OR2C1: variants seen among roughly 807,000 people sequenced by gnomAD.
OR2C1 encodes the protein olfactory receptor 2C1.
For missense variants in OR2C1, 468 were observed against 388.3 expected (o/e 1.21, Z -1.73); for synonymous variants, 209 against 167.3 (o/e 1.25, Z -1.92).
chr16:3,336,497 G>T, the OR2C1 span, among the ~76,000 whole-genome samples: 3 of 151,820 alleles, frequency 2.0e-5, no homozygotes, highest in Admixed American at 6.6e-5. Context: ...GAGTAGCTGG[G>T]ACTACAGGCA....
the OR2C1 span, among the ~76,000 whole-genome samples, chr16:3,333,211 A>AT: frequency 5.2e-4 from 34 of 65,826 alleles, no homozygotes; most frequent in Non-Finnish European, 6.0e-4. Flanking sequence ...TCTTTTGCCC[A>AT]TTTTTTTTTT....
chr16:3,332,701 GAAT>G, the OR2C1 span, among the ~76,000 whole-genome samples: 1 of 133,950 alleles, frequency 7.5e-6, no homozygotes, highest in African/African-American at 2.9e-5. Context: ...TTTTATGGCT[GAAT>G]AATAATATTC....
chr16:3,349,596 T>C, the OR2C1 span, among the ~76,000 whole-genome samples: 1 of 151,938 alleles, frequency 6.6e-6, no homozygotes, highest in Admixed American at 6.6e-5. Flanking sequence ...AAGGTACATT[T>C]CCATAAACAA....
the OR2C1 span, among the ~76,000 whole-genome samples, chr16:3,330,680 C>G: frequency 6.6e-6 from 1 of 152,168 alleles, no homozygotes; most frequent in African/African-American, 2.4e-5. Context: ...ATTAGTATAT[C>G]TGTCACATTA....
chr16:3,347,860 G>A, the OR2C1 span, among the ~76,000 whole-genome samples: 1 of 4,986 alleles, frequency 2.0e-4, no homozygotes, highest in Non-Finnish European at 4.3e-4. Flanking sequence ...ACGCACACAC[G>A]CGCACACACA....
chr16:3,323,440 C>G, the OR2C1 span: 2 of 746,490 alleles, frequency 2.7e-6, no homozygotes, highest in African/African-American at 1.7e-5. Context: ...GGATGGTGTT[C>G]TTATTGACCT....
chr16:3,339,413 A>C, the OR2C1 span, among the ~76,000 whole-genome samples: 2 of 151,018 alleles, frequency 1.3e-5, no homozygotes, highest in Non-Finnish European at 2.9e-5. Flanking sequence ...AATTCTGTTT[A>C]TTTTTTGAGA....
At chr16:3,349,837 G>A in the OR2C1 span, among the ~76,000 whole-genome samples, 1,107 of 151,782 alleles carry the variant, frequency 7.3e-3, 11 homozygotes, top group African/African-American at 0.025. Flanking sequence ...AGGAGGCGGA[G>A]GTTGCAGTGA....
chr16:3,333,495 C>G, the OR2C1 span, among the ~76,000 whole-genome samples: 39 of 152,004 alleles, frequency 2.6e-4, 1 homozygote, highest in South Asian at 7.1e-3. Context: ...ACTACCGCGC[C>G]CGGCTAGTTT....
At chr16:3,346,992 C>T in the OR2C1 span, among the ~76,000 whole-genome samples, 1 of 149,808 alleles carries the variant, frequency 6.7e-6, no homozygotes, top group African/African-American at 2.4e-5. Flanking sequence ...CACCTGTAAT[C>T]CCAGCAGTTT....
At chr16:3,352,277 C>T (rs978257126), upstream of OR2C1, among the ~76,000 whole-genome samples, 3 of 151,856 alleles carry the variant, frequency 2.0e-5, no homozygotes, top group Non-Finnish European at 4.4e-5. Context: ...CCACCACGCC[C>T]GCCTAATTTT....
At chr16:3,332,421 T>G in the OR2C1 span, among the ~76,000 whole-genome samples, 1 of 152,062 alleles carries the variant, frequency 6.6e-6, no homozygotes, top group East Asian at 1.9e-4. Flanking sequence ...TTGTTGACTA[T>G]AGTCACCTTA....
upstream of OR2C1, among the ~76,000 whole-genome samples, chr16:3,353,518 A>G (rs1466481123): frequency 2.8e-5 from 4 of 144,014 alleles, no homozygotes; most frequent in African/African-American, 5.1e-5. Flanking sequence ...AAGAATAAGT[A>G]GGCCGGGAAT....
chr16:3,345,418 A>G, the OR2C1 span, among the ~76,000 whole-genome samples: 1,721 of 151,990 alleles, frequency 0.011, 29 homozygotes, highest in African/African-American at 0.039. Context: ...CCCAGGAGGC[A>G]GAGCTTGCAG....
At chr16:3,342,582 T>C in the OR2C1 span, among the ~76,000 whole-genome samples, 2 of 151,980 alleles carry the variant, frequency 1.3e-5, no homozygotes, top group Non-Finnish European at 2.9e-5. Context: ...GGAATAATAC[T>C]GAACAATAAA....
the OR2C1 span, among the ~76,000 whole-genome samples, chr16:3,344,539 A>G: frequency 6.6e-6 from 1 of 152,146 alleles, no homozygotes; most frequent in Non-Finnish European, 1.5e-5. Flanking sequence ...CATCCTGGCT[A>G]ACATGGTGAA....
At chr16:3,339,446 G>A in the OR2C1 span, among the ~76,000 whole-genome samples, 1 of 152,038 alleles carries the variant, frequency 6.6e-6, no homozygotes, top group African/African-American at 2.4e-5. Flanking sequence ...GTTTTCTACA[G>A]TGGCTGAACC....
upstream of OR2C1, among the ~76,000 whole-genome samples, chr16:3,354,367 T>A (rs2030625947): frequency 6.6e-6 from 1 of 152,212 alleles, no homozygotes; most frequent in Non-Finnish European, 1.5e-5. Flanking sequence ...CCTCTGTAAA[T>A]CTTCTAATTT....
the OR2C1 span, among the ~76,000 whole-genome samples, chr16:3,330,996 C>T: frequency 6.6e-6 from 1 of 152,166 alleles, no homozygotes; most frequent in Admixed American, 6.6e-5. Flanking sequence ...AGTTTACAGT[C>T]CCACCAATAG....
Sources: allele counts gnomAD v4.1 joint callset (sites outside exome capture counted in the v4.1 genomes callset), GRCh38; gene constraint gnomAD v4.1.1; transcripts MANE v1.5; gene names NCBI Gene and HGNC (gene_info 2026-07-23, HGNC 2026-07-21).